DAAM2: variants seen among roughly 807,000 people sequenced by gnomAD.
The protein encoded by DAAM2 is disheveled-associated activator of morphogenesis 2.
A neutral mutation model predicts 120.7 loss-of-function variants in DAAM2; 39 were observed. That is an observed-to-expected ratio of 0.32 (90% CI 0.25 to 0.42). DAAM2 has a LOEUF of 0.42. Among genes scored for constraint, DAAM2 ranks in the 10% least tolerant of loss-of-function variants. The probability of loss-of-function intolerance (pLI) is 1.00; values close to 1 mark genes in which losing one functional copy is unlikely to be tolerated. For synonymous variants in DAAM2, 488 were observed against 524.9 expected, an observed-to-expected ratio of 0.93 and a Z score of 0.96; for missense variants, 1,283 against 1,401.7, an observed-to-expected ratio of 0.92 and a Z score of 1.35.
chr6:39,859,324 T>C (rs1764123749), intron 2 of DAAM2, among the ~76,000 whole-genome samples: 1 of 152,146 alleles, frequency 6.6e-6, no homozygotes, highest in Non-Finnish European at 1.5e-5. Flanking sequence ...TGCATATAAC[T>C]CTCCTTTTCC....
chr6:39,864,541 C>T, intron 4 of DAAM2, 34 bp downstream of exon 4: 1 of 1,566,548 alleles, frequency 6.4e-7, no homozygotes, highest in African/African-American at 1.4e-5. Flanking sequence ...CCTGCCCCCA[C>T]CTGGAAAGGC....
At chr6:39,861,290 G>C (rs1367637597) in intron 3 of DAAM2, 1 of 490,556 alleles carries the variant, frequency 2.0e-6, no homozygotes, top group African/African-American at 1.9e-5. Context: ...CAAAGAAGCA[G>C]AGTCTGGACT....
chr6:39,838,446 C>T (rs113299091), intron 1 of DAAM2, among the ~76,000 whole-genome samples: 2,675 of 152,224 alleles, frequency 0.018, 55 homozygotes, highest in African/African-American at 0.053. Flanking sequence ...GAAAACAAAA[C>T]GCAGGTGAGC....
chr6:39,894,395 A>G (rs1765939359), intron 19 of DAAM2, among the ~76,000 whole-genome samples: 1 of 152,170 alleles, frequency 6.6e-6, no homozygotes, highest in Non-Finnish European at 1.5e-5. Flanking sequence ...TTGAAACATA[A>G]CATGCATATA....
chr6:39,888,855 C>G (rs1765528743), intron 17 of DAAM2, 92 bp downstream of exon 17: 5 of 902,696 alleles, frequency 5.5e-6, no homozygotes, highest in Non-Finnish European at 8.5e-6. Context: ...ATTCTTGGGT[C>G]AAGGAGAAAT....
intron 2 of DAAM2, 28 bp from the exon 3 acceptor site, chr6:39,860,900 G>A (rs1353640726): frequency 1.3e-6 from 2 of 1,579,224 alleles, no homozygotes; most frequent in East Asian, 2.3e-5. Flanking sequence ...CCTAGTGTCA[G>A]ACGTATTTTT....
intron 1 of DAAM2, among the ~76,000 whole-genome samples, chr6:39,814,454 C>T (rs544260319): frequency 1.1e-4 from 17 of 152,270 alleles, no homozygotes; most frequent in African/African-American, 3.1e-4. Context: ...TTGGGGTTGG[C>T]GTTGGCGTTG....
intron 1 of DAAM2, among the ~76,000 whole-genome samples, chr6:39,794,524 A>C (rs2113974066): frequency 6.6e-6 from 1 of 152,206 alleles, no homozygotes; most frequent in East Asian, 1.9e-4. Context: ...TTAGAGAGTC[A>C]GGGGCTCAAG....
At chr6:39,815,565 C>T (rs1435107382) in intron 1 of DAAM2, among the ~76,000 whole-genome samples, 1 of 151,902 alleles carries the variant, frequency 6.6e-6, no homozygotes, top group African/African-American at 2.4e-5. Flanking sequence ...TCACAGGAAA[C>T]ATTAACTCTT....
At chr6:39,872,034 T>C (rs1764683763) in intron 9 of DAAM2, among the ~76,000 whole-genome samples, 1 of 152,054 alleles carries the variant, frequency 6.6e-6, no homozygotes, top group Admixed American at 6.5e-5. Flanking sequence ...TCACCTTTCC[T>C]TGGCCTTTTT....
At chr6:39,805,112 A>G (rs1761971761) in intron 1 of DAAM2, among the ~76,000 whole-genome samples, 1 of 152,202 alleles carries the variant, frequency 6.6e-6, no homozygotes, top group African/African-American at 2.4e-5. Context: ...TTAATTTCTT[A>G]TTAAGCCCAC....
At chr6:39,887,950 T>C (rs1481962429) in intron 16 of DAAM2, 2 of 221,052 alleles carry the variant, frequency 9.0e-6, no homozygotes, top group Non-Finnish European at 1.8e-5. Context: ...ACAGCTTCTG[T>C]ACGGGGGGGC....
rs1766655328 is a variant in DAAM2 at position 39,904,256 on chromosome 6, TCTCA to T, written c.*2223_*2226del. 1 of 456,760 alleles carries T rather than the reference TCTCA, an allele frequency of 2.2e-6. No homozygotes were observed. Among genetic ancestry groups the T allele is most frequent in the Non-Finnish European group, 4.4e-6 (1 of 226,970 alleles). The allele number at this position is 456,760 out of a possible 1,614,324, so 28.3% of individuals were successfully genotyped here. On this transcript the variant is annotated 3_prime_UTR_variant, in exon 25 of 25. Coordinates refer to ENST00000274867, the MANE Select transcript of DAAM2 (RefSeq NM_001201427.2). ...AATACGTTGTTCCAGAGCTCAGCCT[TCTCA>T]CTCTAAAAGAAAGATATTTTTCTAT...
intron 7 of DAAM2, among the ~76,000 whole-genome samples, chr6:39,869,527 C>T (rs1351899151): frequency 6.6e-6 from 1 of 152,104 alleles, no homozygotes; most frequent in East Asian, 1.9e-4. Context: ...GCGGAGGTTG[C>T]AGTGAGCCAA....
chr6:39,798,139 A>C (rs1162650523), intron 1 of DAAM2, among the ~76,000 whole-genome samples: 2 of 152,216 alleles, frequency 1.3e-5, no homozygotes, highest in Non-Finnish European at 2.9e-5. Context: ...CAGAGCAAGT[A>C]TAGTAGCTTA....
At chr6:39,812,053 C>T (rs369620724) in intron 1 of DAAM2, among the ~76,000 whole-genome samples, 19 of 152,160 alleles carry the variant, frequency 1.2e-4, no homozygotes, top group Admixed American at 1.3e-4. Context: ...GGGCAGGGTG[C>T]ATAGCCCAAA....
chr6:39,867,401 T>C lies in DAAM2; in HGVS notation c.429-109T>C, dbSNP rs948659242. 8 of 985,050 alleles carry C rather than the reference T, an allele frequency of 8.1e-6. No individual in the cohort carries two copies. The Admixed American group carries it at 1.2e-4, about 15-fold the overall frequency. The allele number at this position is 985,050 out of a possible 1,614,324, so 61.0% of individuals were successfully genotyped here. On this transcript the variant is annotated intron_variant, in intron 5 of 24. Transcript: ENST00000274867. ...AACTACGAATAAACCAAGTGGCTACTGTAGGTGGGACAAGGTGCATGGTGG... is the reference window on the plus strand; with the variant it reads ...AACTACGAATAAACCAAGTGGCTACCGTAGGTGGGACAAGGTGCATGGTGG...
At chr6:39,810,192 A>G (rs1189935894) in intron 1 of DAAM2, among the ~76,000 whole-genome samples, 1 of 152,192 alleles carries the variant, frequency 6.6e-6, no homozygotes, top group Non-Finnish European at 1.5e-5. Context: ...GGGGAAGCTG[A>G]ACATTTTTTA....
chr6:39,891,765 T>C (rs1410870101), intron 19 of DAAM2, 43 bp downstream of exon 19: 1 of 1,510,564 alleles, frequency 6.6e-7, no homozygotes, highest in Admixed American at 1.9e-5. Flanking sequence ...GAGAGTTATC[T>C]GAGAAAGGCA....
Sources: gnomAD v4.1 joint callset for allele counts (sites outside exome capture counted in the v4.1 genomes callset) on GRCh38, gnomAD v4.1.1 for gene constraint, MANE v1.5 for transcripts, NCBI Gene and HGNC (gene_info 2026-07-23, HGNC 2026-07-21) for gene names.